The following PRDM16 variants were observed in gnomAD, a reference collection of about 807,000 sequenced individuals.
PRDM16 encodes PR/SET domain 16.
A neutral mutation model predicts 110.6 loss-of-function variants in PRDM16; 23 were observed. The observed-to-expected ratio is 0.21, with a 90% CI of 0.15 to 0.29. The LOEUF (loss-of-function observed/expected upper bound fraction) is 0.29. Ranked by LOEUF, PRDM16 falls within the 10% of genes least tolerant of loss-of-function variation. The pLI is 1.00. For synonymous variants in PRDM16, 799 were observed against 781.8 expected, an observed-to-expected ratio of 1.02 and a Z score of -0.37; for missense variants, 1,615 against 1,794.3, an observed-to-expected ratio of 0.90 and a Z score of 1.81.
At chr1:3,371,766 A>G (rs1456627713) in intron 3 of PRDM16, among the ~76,000 whole-genome samples, 1 of 152,248 alleles carries the variant, frequency 6.6e-6, no homozygotes, top group Non-Finnish European at 1.5e-5. Context: ...GAAAGGAGTC[A>G]GGTGGACAGC....
In PRDM16 at chr1:3,181,862, A is replaced by G. The variant is rs574580002; in HGVS notation, c.38-4263A>G. ...GTCTTACACACGGTCTTACACACGC[A>G]GTCTTACACACGGTCTTGCACACGC... On this transcript the variant is annotated intron_variant, in intron 1 of 16. Transcript: ENST00000270722. 1.6e-3 allele frequency among the ~76,000 whole-genome samples: 145 copies of G among 89,528 alleles called. 5 individuals carry two copies. The highest frequency in any genetic ancestry group is 5.0e-3 in the African/African-American group (136 of 27,020). The allele number at this position is 89,528 out of a possible 152,430, so 58.7% of individuals were successfully genotyped here.
At position 3,181,078 on chromosome 1, in the gene PRDM16, T is replaced by A. The variant is rs370619123; in HGVS notation, c.38-5047T>A. On this transcript the variant is annotated intron_variant, in intron 1 of 16. Coordinates refer to ENST00000270722, the MANE Select transcript of PRDM16 (RefSeq NM_022114.4). ...TACACGCGGTCTTACACACCCGGTCTTACACACGGCCTTACACACGCAGTC... is the reference window on the plus strand; with the variant it reads ...TACACGCGGTCTTACACACCCGGTCATACACACGGCCTTACACACGCAGTC... Among the ~76,000 whole-genome samples, 7 of 134,706 alleles carry A rather than the reference T, an allele frequency of 5.2e-5. No homozygotes were observed. In the East Asian group the frequency reaches 6.7e-4, roughly 13 times the overall value. 88.4% of individuals were successfully genotyped at this position (134,706 alleles called of 152,430 possible).
chr1:3,194,283 T>A (rs989717330), intron 2 of PRDM16, among the ~76,000 whole-genome samples: 1 of 152,188 alleles, frequency 6.6e-6, no homozygotes, highest in African/African-American at 2.4e-5. Flanking sequence ...AGGTGTTCAC[T>A]GGTACCTCCC....
At chr1:3,179,815 T>C (rs959591606) in intron 1 of PRDM16, among the ~76,000 whole-genome samples, 3 of 152,146 alleles carry the variant, frequency 2.0e-5, no homozygotes, top group African/African-American at 7.2e-5. Context: ...TCGTACAAGC[T>C]TTTCTGGTTA....
intron 1 of PRDM16, among the ~76,000 whole-genome samples, chr1:3,154,199 G>C (rs973455169): frequency 6.6e-6 from 1 of 152,134 alleles, no homozygotes; most frequent in African/African-American, 2.4e-5. Context: ...AAGTCGTTAG[G>C]ATCTGCCATG....
intron 14 of PRDM16, among the ~76,000 whole-genome samples, chr1:3,430,651 G>C (rs868131828): frequency 2.0e-5 from 3 of 152,218 alleles, no homozygotes; most frequent in Non-Finnish European, 4.4e-5. Flanking sequence ...CCACCGCCCC[G>C]AGCGCTTGCC....
In PRDM16 at chr1:3,380,636, C is replaced by T. The variant is rs115752131; in HGVS notation, c.439-4516C>T. Among the ~76,000 whole-genome samples, 967 of 152,300 alleles carry T rather than the reference C, an allele frequency of 6.3e-3. 15 individuals are homozygous for T. Among genetic ancestry groups the T allele is most frequent in the African/African-American group, 0.022 (911 of 41,544 alleles). The stretch of plus-strand genomic sequence containing the variant: ...ACACTGTCCCATGTGGGTGAGAAAC[C>T]AGCCGTGTCCCTGTTCAGACACGCT... On this transcript the variant is annotated intron_variant, in intron 3 of 16. Transcript: ENST00000270722.
intron 1 of PRDM16, among the ~76,000 whole-genome samples, chr1:3,099,176 G>A (rs962157274): frequency 2.6e-5 from 4 of 152,234 alleles, no homozygotes; most frequent in African/African-American, 9.6e-5. Context: ...TGGGGTGCTG[G>A]ACCCAGGTTG....
In PRDM16 at chr1:3,435,705, C is replaced by T. The variant is rs571450105; in HGVS notation, c.*1894C>T. 2 of 232,574 alleles carry T rather than the reference C, an allele frequency of 8.6e-6. No homozygotes were observed. Among genetic ancestry groups the T allele is most frequent in the South Asian group, 3.6e-4 (2 of 5,514 alleles). The allele number at this position is 232,574 out of a possible 1,614,324, so 14.4% of individuals were successfully genotyped here. A position where few individuals can be genotyped will look rare whatever the true frequency, so the allele number is the denominator to read the frequency against. ...GCTTTGTGTCACGCGTGGACATCTC[C>T]TCAGGCTGTCCCCAGCGGTGACGGG... On this transcript the variant is annotated 3_prime_UTR_variant, in exon 17 of 17. Transcript: ENST00000270722.
At position 3,425,831 on chromosome 1, in the gene PRDM16, G is replaced by A; in HGVS notation, c.3109+81G>A. 2 of 1,546,052 alleles carry A rather than the reference G, an allele frequency of 1.3e-6. No homozygotes were observed. The highest frequency in any genetic ancestry group is 1.8e-6 in the Non-Finnish European group (2 of 1,131,818). On this transcript the variant is annotated intron_variant, in intron 13 of 16. Coordinates refer to ENST00000270722, the MANE Select transcript of PRDM16 (RefSeq NM_022114.4). This position sits in a 1 kb window ranked among gnomAD's most constrained non-coding sequence, Gnocchi z 6.9. The stretch of plus-strand genomic sequence containing the variant: ...GAGGGGGAGGGGGAACAGCAGGGGA[G>A]TGGGCGCCGGGCAGGGAAGAGGGCC...
intron 3 of PRDM16, among the ~76,000 whole-genome samples, chr1:3,369,761 G>C (rs1248910560): frequency 2.6e-5 from 4 of 152,260 alleles, no homozygotes; most frequent in African/African-American, 9.6e-5. Context: ...CCTAGTCCGG[G>C]AAGAAACCAG....
intron 1 of PRDM16, among the ~76,000 whole-genome samples, chr1:3,095,545 C>T (rs1006473758): frequency 6.6e-6 from 1 of 152,130 alleles, no homozygotes; most frequent in Non-Finnish European, 1.5e-5. Flanking sequence ...GGGCCGGGCT[C>T]AGCTGCTGGT....
At position 3,359,383 on chromosome 1, in the gene PRDM16, G is replaced by T. The variant is rs962484795; in HGVS notation, c.439-25769G>T. 1.3e-5 allele frequency among the ~76,000 whole-genome samples: 2 copies of T among 152,182 alleles called. No individual in the cohort carries two copies. Among genetic ancestry groups the T allele is most frequent in the African/African-American group, 4.8e-5 (2 of 41,444 alleles). On this transcript the variant is annotated intron_variant, in intron 3 of 16. Transcript: ENST00000270722. The surrounding 1 kb of genome is among the most constrained non-coding windows in gnomAD (Gnocchi z 4.3). ...TATCAGGGTCTCCCTTCCGACCAGG[G>T]CCTGAGGCAGAGCTTCCAGAGACCC...
At chr1:3,104,840 G>C (rs1642614763) in intron 1 of PRDM16, among the ~76,000 whole-genome samples, 1 of 152,154 alleles carries the variant, frequency 6.6e-6, no homozygotes, top group African/African-American at 2.4e-5. Context: ...CCAGCTCCTG[G>C]CAGCATCTGG....
intron 1 of PRDM16, among the ~76,000 whole-genome samples, chr1:3,141,179 G>A (rs141595193): frequency 5.9e-5 from 9 of 152,180 alleles, no homozygotes; most frequent in African/African-American, 1.4e-4. Context: ...ACCATCCTCC[G>A]TCCGCCCGCT....
At chr1:3,158,778 C>CTT (rs558510731) in intron 1 of PRDM16, among the ~76,000 whole-genome samples, 3 of 107,988 alleles carry the variant, frequency 2.8e-5, no homozygotes, top group Admixed American at 9.5e-5. Context: ...TTCTTTCCTT[C>CTT]TTTTTTTTTT....
rs138944099 is a variant in PRDM16 at position 3,305,037 on chromosome 1, G to A, written c.438+60900G>A. ...AATCGAGTGAACTGTGTTGAGAAAC[G>A]GATGATGGGTGGTTGAGAAACACAC... On this transcript the variant is annotated intron_variant, in intron 3 of 16. Coordinates refer to ENST00000270722, the MANE Select transcript of PRDM16 (RefSeq NM_022114.4). 1.3e-3 allele frequency among the ~76,000 whole-genome samples: 200 copies of A among 152,310 alleles called. No individual in the cohort carries two copies. The Middle Eastern group carries it at 0.014, about 10-fold the overall frequency.
At chr1:3,295,994 TG>T (rs1292157962) in intron 3 of PRDM16, among the ~76,000 whole-genome samples, 4 of 151,918 alleles carry the variant, frequency 2.6e-5, no homozygotes, top group Non-Finnish European at 5.9e-5. Flanking sequence ...AAGGCCTGGG[TG>T]GGGCTGGGCA....
At chr1:3,228,075 C>T (rs537018236) in intron 2 of PRDM16, among the ~76,000 whole-genome samples, 3 of 152,360 alleles carry the variant, frequency 2.0e-5, no homozygotes, top group South Asian at 2.1e-4. Flanking sequence ...GCGCCAGTGG[C>T]GAGGCTGTCC....
Sources: allele counts gnomAD v4.1 joint callset (sites outside exome capture counted in the v4.1 genomes callset), GRCh38; gene constraint gnomAD v4.1.1; non-coding constraint Gnocchi (gnomAD v3.1); transcripts MANE v1.5; gene names NCBI Gene and HGNC (gene_info 2026-07-23, HGNC 2026-07-21).